Variants in TBL1XR1 observed in about 807,000 individuals in gnomAD.
TBL1XR1 encodes the protein TBL1X/Y related 1, also known as F-box-like/WD repeat-containing protein TBL1XR1.
A neutral mutation model predicts 66.9 loss-of-function variants in TBL1XR1; 5 were observed. The observed-to-expected ratio is 0.07, with a 90% confidence interval of 0.04 to 0.16. The LOEUF (loss-of-function observed/expected upper bound fraction) is 0.16, where lower values mean the gene tolerates loss of function less well. TBL1XR1 is among the 10% of genes least tolerant of loss of function. The probability of loss-of-function intolerance (pLI) is 1.00; values close to 1 mark genes in which losing one functional copy is unlikely to be tolerated. For missense variants in TBL1XR1, 238 were observed against 623.2 expected (o/e 0.38, Z 6.58); for synonymous variants, 210 against 206.0 (o/e 1.02, Z -0.17).
At position 177,023,567 on chromosome 3, in the gene TBL1XR1, T is replaced by A. The variant is rs1244548236; in HGVS notation, c.*1931A>T. 2 of 152,560 alleles carry A rather than the reference T, an allele frequency of 1.3e-5. No individual in the cohort carries two copies. The allele number at this position is 152,560 out of a possible 1,614,324, so 9.5% of individuals were successfully genotyped here. A position where few individuals can be genotyped will look rare whatever the true frequency, so the allele number is the denominator to read the frequency against. On this transcript the variant is annotated 3_prime_UTR_variant, in exon 16 of 16. Coordinates refer to ENST00000457928, the MANE Select transcript of TBL1XR1 (RefSeq NM_024665.7). ...TTTTAAAAATATTATTACAGTATCA[T>A]AGTCCCCACTAACAACAACTGGGGT...
intron 10 of TBL1XR1, among the ~76,000 whole-genome samples, chr3:177,042,130 A>AT (rs2108453967): frequency 6.6e-6 from 1 of 152,204 alleles, no homozygotes; most frequent in African/African-American, 2.4e-5. Context: ...GTGCACTTTC[A>AT]TTTTGACTGT....
At chr3:177,184,249 A>C (rs898956496) in intron 1 of TBL1XR1, among the ~76,000 whole-genome samples, 1 of 152,236 alleles carries the variant, frequency 6.6e-6, no homozygotes, top group Non-Finnish European at 1.5e-5. Context: ...CTTGACATCA[A>C]TAACACATAC....
intron 1 of TBL1XR1, among the ~76,000 whole-genome samples, chr3:177,139,428 G>A (rs1315908744): frequency 6.6e-6 from 1 of 152,060 alleles, no homozygotes; most frequent in Non-Finnish European, 1.5e-5. Context: ...GCAGCTACTT[G>A]GGCGGCTGAG....
intron 1 of TBL1XR1, among the ~76,000 whole-genome samples, chr3:177,152,930 CAGGAGTT>C (rs1731066849): frequency 6.6e-6 from 1 of 152,084 alleles, no homozygotes; most frequent in Non-Finnish European, 1.5e-5. Flanking sequence ...CACTTGAGGT[CAGGAGTT>C]GGAGAACAGC....
At chr3:177,155,954 A>G (rs968721905) in intron 1 of TBL1XR1, among the ~76,000 whole-genome samples, 3 of 152,042 alleles carry the variant, frequency 2.0e-5, no homozygotes, top group Admixed American at 6.6e-5. Flanking sequence ...GGTTGTGGTG[A>G]GCCGAGACTG....
intron 10 of TBL1XR1, among the ~76,000 whole-genome samples, chr3:177,043,143 C>G (rs1442323985): frequency 6.6e-6 from 1 of 152,074 alleles, no homozygotes; most frequent in Non-Finnish European, 1.5e-5. Flanking sequence ...TAATTTAATT[C>G]CATTGTTGCT....
intron 1 of TBL1XR1, chr3:177,131,511 T>A: frequency 3.4e-3 from 24 of 7,106 alleles, no homozygotes; most frequent in Non-Finnish European, 4.4e-3. Context: ...TCTGAATATC[T>A]TTTTTTTTTT....
At chr3:177,103,533 GT>G (rs1226971412) in intron 1 of TBL1XR1, among the ~76,000 whole-genome samples, 1 of 152,122 alleles carries the variant, frequency 6.6e-6, no homozygotes, top group Non-Finnish European at 1.5e-5. Flanking sequence ...CAATTAGGAA[GT>G]TTTTTTAACA....
intron 1 of TBL1XR1, among the ~76,000 whole-genome samples, chr3:177,115,710 T>G (rs931855694): frequency 6.6e-6 from 1 of 152,222 alleles, no homozygotes; most frequent in Non-Finnish European, 1.5e-5. Context: ...TATCTAAAAT[T>G]TAAGCTTTTG....
intron 2 of TBL1XR1, chr3:177,078,597 A>T (rs1301901764): frequency 6.6e-6 from 1 of 151,546 alleles, no homozygotes; most frequent in Non-Finnish European, 1.5e-5. Flanking sequence ...TCAAAAAAAA[A>T]AAAATAAAGT....
At chr3:177,095,335 T>C (rs1188931380) in intron 2 of TBL1XR1, among the ~76,000 whole-genome samples, 4 of 151,808 alleles carry the variant, frequency 2.6e-5, no homozygotes, top group African/African-American at 9.7e-5. Flanking sequence ...GGCAACAGGG[T>C]AGATTGTCTC....
chr3:177,154,825 A>C (rs1187537677), intron 1 of TBL1XR1, among the ~76,000 whole-genome samples: 1 of 152,244 alleles, frequency 6.6e-6, no homozygotes, highest in Non-Finnish European at 1.5e-5. Context: ...TATTTACAGA[A>C]AACATCCGAT....
chr3:177,130,013 C>G (rs539699675), intron 1 of TBL1XR1, among the ~76,000 whole-genome samples: 87 of 151,978 alleles, frequency 5.7e-4, no homozygotes, highest in Admixed American at 9.2e-4. Context: ...GGCGTAGTGG[C>G]GTGCGCCTGT....
In TBL1XR1 at chr3:177,055,542, C is replaced by T. The variant is rs902950368; in HGVS notation, c.59-1624G>A. ...AATCTGGGCTCACAGAGATACCAAT[C>T]GGGGGGCGGGGCGGGGGTGGGGGGG... On this transcript the variant is annotated intron_variant, in intron 3 of 15. Transcript: ENST00000457928. 1.6e-3 allele frequency among the ~76,000 whole-genome samples: 3 copies of T among 1,824 alleles called. 1 individual carries two copies. The East Asian group carries it at 0.065, about 40-fold the overall frequency. The allele number at this position is 1,824 out of a possible 152,430, so 1.2% of individuals were successfully genotyped here.
intron 2 of TBL1XR1, among the ~76,000 whole-genome samples, chr3:177,071,863 T>C (rs964043382): frequency 2.0e-5 from 3 of 152,136 alleles, no homozygotes; most frequent in South Asian, 2.1e-4. Context: ...GAAAGTCTCA[T>C]AGGTCAATTT....
chr3:177,116,868 T>C (rs1016567076), intron 1 of TBL1XR1, among the ~76,000 whole-genome samples: 3 of 152,224 alleles, frequency 2.0e-5, no homozygotes, highest in Non-Finnish European at 2.9e-5. Context: ...CTAGATTTTC[T>C]ATATGATGGG....
chr3:177,109,340 C>T (rs940290467), intron 1 of TBL1XR1, among the ~76,000 whole-genome samples: 1 of 152,084 alleles, frequency 6.6e-6, no homozygotes, highest in Non-Finnish European at 1.5e-5. Flanking sequence ...AAAATACAAA[C>T]TATCAAGCAA....
At chr3:177,110,584 G>C (rs1241113774) in intron 1 of TBL1XR1, among the ~76,000 whole-genome samples, 2 of 152,070 alleles carry the variant, frequency 1.3e-5, no homozygotes, top group Admixed American at 1.3e-4. Context: ...AATGCATAAA[G>C]CTAGAACTAT....
rs1034927508 is a variant in TBL1XR1, at chr3:177,023,450, G to T, written c.*2048C>A. 6.6e-6 allele frequency: 1 copy of T among 152,444 alleles called. No individual in the cohort carries two copies. Among genetic ancestry groups the T allele is most frequent in the African/African-American group, 2.4e-5 (1 of 41,386 alleles). The allele number at this position is 152,444 out of a possible 1,614,324, so 9.4% of individuals were successfully genotyped here. On this transcript the variant is annotated 3_prime_UTR_variant, in exon 16 of 16. Coordinates refer to ENST00000457928, the MANE Select transcript of TBL1XR1 (RefSeq NM_024665.7). Reference sequence around the variant, plus strand: ...TTAGGTTTCCTACGTAAGTCACAGGGTAATATGTTCTAAATATCTCTAATG... The same window carrying T: ...TTAGGTTTCCTACGTAAGTCACAGGTTAATATGTTCTAAATATCTCTAATG...
Sources: allele counts gnomAD v4.1 joint callset (sites outside exome capture counted in the v4.1 genomes callset), GRCh38; gene constraint gnomAD v4.1.1; transcripts MANE v1.5; gene names NCBI Gene and HGNC (gene_info 2026-07-23, HGNC 2026-07-21).